PPIE: variants seen among roughly 807,000 people sequenced by gnomAD.
The protein encoded by PPIE is peptidyl-prolyl cis-trans isomerase E.
Under a neutral mutation model 38.4 loss-of-function variants are expected in PPIE, and 20 were observed. The ratio of observed to expected loss-of-function variants is 0.52; its 90% confidence interval spans 0.37 to 0.76. The LOEUF (loss-of-function observed/expected upper bound fraction) is 0.76. PPIE is among the 30% of genes least tolerant of loss of function. The probability of loss-of-function intolerance (pLI) is 0.00; values close to 1 mark genes in which losing one functional copy is unlikely to be tolerated. For missense variants in PPIE, 322 were observed against 385.8 expected (o/e 0.83, Z 1.39); for synonymous variants, 142 against 135.7 (o/e 1.05, Z -0.32).
At chr1:39,762,546 C>T (rs748436713) in intron 9 of PPIE, 15 of 1,550,182 alleles carry the variant, frequency 9.7e-6, no homozygotes, top group African/African-American at 2.7e-5. Context: ...CATCAAAAGC[C>T]AGGGGATCCA....
downstream of PPIE, chr1:39,760,693 CAAT>C (rs1275991575): frequency 1.1e-5 from 14 of 1,260,220 alleles, no homozygotes; most frequent in South Asian, 1.5e-5. Context: ...GGGAGCAGCA[CAAT>C]AATAATAACT....
downstream of PPIE, chr1:39,760,194 T>C (rs1002386849): frequency 9.4e-6 from 7 of 747,222 alleles, no homozygotes; most frequent in Admixed American, 2.1e-4. Flanking sequence ...CACTGCCTGA[T>C]GATTGAGACC....
Position 39,741,631 on chromosome 1 carries a change from G to A in PPIE, c.174+222G>A. Reference sequence around the variant, plus strand: ...GGCCCTCCCATTCTTGCCCTGCAGAGGAGCTAGCTCATGCACCCCTGTTCA... The same window carrying A: ...GGCCCTCCCATTCTTGCCCTGCAGAAGAGCTAGCTCATGCACCCCTGTTCA... On this transcript the variant is annotated intron_variant, in intron 3 of 9. Transcript: ENST00000324379. The A allele has an allele frequency of 4.8e-6, 3 of 627,336 alleles. No homozygotes were observed. The East Asian group carries it at 8.2e-5, about 17-fold the overall frequency. The allele number at this position is 627,336 out of a possible 1,614,324, so 38.9% of individuals were successfully genotyped here.
intron 9 of PPIE, chr1:39,762,510 C>CT: frequency 6.5e-7 from 1 of 1,549,052 alleles, no homozygotes; most frequent in Non-Finnish European, 8.7e-7. Flanking sequence ...TGCTTTTGTC[C>CT]TTTAAGGTTG....
intron 6 of PPIE, among the ~76,000 whole-genome samples, chr1:39,744,778 G>A (rs1263495370): frequency 6.6e-6 from 1 of 152,154 alleles, no homozygotes; most frequent in Non-Finnish European, 1.5e-5. Flanking sequence ...AACTCATAAA[G>A]TGGCCATCAC....
At chr1:39,749,695 C>G (rs1647508995) in intron 8 of PPIE, among the ~76,000 whole-genome samples, 3 of 152,224 alleles carry the variant, frequency 2.0e-5, no homozygotes, top group African/African-American at 7.2e-5. Context: ...AGGCCAGCCT[C>G]TCCACCTGTG....
intron 7 of PPIE, 39 bp from the exon 8 acceptor site, chr1:39,748,864 A>G (rs1266765128): frequency 5.1e-6 from 8 of 1,577,098 alleles, no homozygotes; most frequent in African/African-American, 1.4e-5. Context: ...ATTTTGTCCT[A>G]TTTTTTAACC....
chr1:39,759,681 C>A (rs1219779259), downstream of PPIE: 1 of 152,232 alleles, frequency 6.6e-6, no homozygotes, highest in African/African-American at 2.4e-5. Context: ...ATAGATGGGT[C>A]AATTGGAAGC....
chr1:39,746,499 C>T (rs1163804754), intron 7 of PPIE: 2 of 152,230 alleles, frequency 1.3e-5, no homozygotes, highest in Non-Finnish European at 2.9e-5. Context: ...CCTCACTATG[C>T]GTAGGATGTC....
intron 1 of PPIE, 166 bp from the exon 2 acceptor site, chr1:39,739,999 A>T (rs933354288): frequency 1.7e-6 from 1 of 576,482 alleles, no homozygotes; most frequent in Non-Finnish European, 3.1e-6. Context: ...GAAGAGAGGA[A>T]TATTTTTCAT....
chr1:39,755,129 C>T lies in PPIE; in HGVS notation c.*1774C>T, dbSNP rs1198912925. On this transcript the variant is annotated 3_prime_UTR_variant, in exon 10 of 10. Coordinates refer to ENST00000324379, the MANE Select transcript of PPIE (RefSeq NM_006112.4). ...ACTCCCCCTCCAGATGCTGGTCAGC[C>T]AGGCGGTTATAAAGAATCTCATCTG... is the stretch of plus-strand genomic sequence containing the variant. 1 of 985,430 alleles carries T rather than the reference C, an allele frequency of 1.0e-6. No individual in the cohort carries two copies. The highest frequency in any genetic ancestry group is 4.7e-5 in the South Asian group (1 of 21,290). The allele number at this position is 985,430 out of a possible 1,614,324, so 61.0% of individuals were successfully genotyped here. A position where few individuals can be genotyped will look rare whatever the true frequency, so the allele number is the denominator to read the frequency against.
chr1:39,758,645 G>A (rs1372310868), downstream of PPIE: 1 of 152,290 alleles, frequency 6.6e-6, no homozygotes, highest in African/African-American at 2.4e-5. Flanking sequence ...TTGGCTGAAG[G>A]TTGTTTGGAG....
chr1:39,752,777 C>T (rs1279282096), intron 8 of PPIE, 133 bp from the exon 9 acceptor site: 3 of 992,250 alleles, frequency 3.0e-6, no homozygotes, highest in East Asian at 2.5e-5. Context: ...GATAAGGTGG[C>T]CGCATTTGCA....
At chr1:39,744,154 A>G (rs145901039) in intron 6 of PPIE, among the ~76,000 whole-genome samples, 28 of 152,320 alleles carry the variant, frequency 1.8e-4, no homozygotes, top group African/African-American at 6.7e-4. Context: ...GTTGTGTTCT[A>G]TGTGATGAGT....
rs761553412 is a variant in PPIE, at chr1:39,740,979, C to G, written c.131-387C>G. ...GAAGATAAAGACTGAGCATCTTTAT[C>G]AGGTTTTAGGATTCATGCTTTATGC... is the stretch of plus-strand genomic sequence containing the variant. On this transcript the variant is annotated intron_variant, in intron 2 of 9. Coordinates refer to ENST00000324379, the MANE Select transcript of PPIE (RefSeq NM_006112.4). Among the ~76,000 whole-genome samples the G allele has an allele frequency of 3.3e-5, 5 of 152,154 alleles. No homozygotes were observed. The East Asian group carries it at 9.6e-4, about 29-fold the overall frequency.
At position 39,740,729 on chromosome 1, in the gene PPIE, T is replaced by C. The variant is rs72940738; in HGVS notation, c.130+466T>C. Among the ~76,000 whole-genome samples the C allele has an allele frequency of 8.5e-3, 1,300 of 152,274 alleles. 25 individuals carry two copies. Among genetic ancestry groups the C allele is most frequent in the African/African-American group, 0.029 (1,224 of 41,558 alleles). On this transcript the variant is annotated intron_variant, in intron 2 of 9. Coordinates refer to ENST00000324379, the MANE Select transcript of PPIE (RefSeq NM_006112.4). ...GATTGGTATCACAACCACAGTTCAGTTTTCTGTTTACCTTTGTTGTCATTT... is the reference window on the plus strand; with the variant it reads ...GATTGGTATCACAACCACAGTTCAGCTTTCTGTTTACCTTTGTTGTCATTT...
rs1224160152 is a variant in PPIE, at chr1:39,756,517, C to T, written c.*3162C>T. ...AGCATGACAGCCGCCTCCAGGTGCT[C>T]CCAGCATCTGTTGCAGTCATGGCAG... On this transcript the variant is annotated 3_prime_UTR_variant, in exon 10 of 10. Transcript: ENST00000324379. 1 of 985,348 alleles carries T rather than the reference C, an allele frequency of 1.0e-6. No individual in the cohort carries two copies. The highest frequency in any genetic ancestry group is 1.2e-6 in the Non-Finnish European group (1 of 829,928). 61.0% of individuals were successfully genotyped at this position (985,348 alleles called of 1,614,324 possible). A position where few individuals can be genotyped will look rare whatever the true frequency, so the allele number is the denominator to read the frequency against.
intron 2 of PPIE, 72 bp from the exon 3 acceptor site, chr1:39,741,294 A>G: frequency 2.1e-6 from 3 of 1,403,814 alleles, no homozygotes; most frequent in Non-Finnish European, 3.0e-6. Flanking sequence ...AACTGACTTC[A>G]CTTTGTGACC....
rs1557459184 is a variant in PPIE at position 39,754,143 on chromosome 1, C to G, written c.*788C>G. 5.5e-6 allele frequency: 5 copies of G among 902,692 alleles called. No homozygotes were observed. Among genetic ancestry groups the G allele is most frequent in the Non-Finnish European group, 5.3e-6 (4 of 754,670 alleles). 55.9% of individuals were successfully genotyped at this position (902,692 alleles called of 1,614,324 possible). ...CAGCCCACTGCCTGTTTTTATGAAT[C>G]AGGTTTTATTGGAACACAGCCACGT... On this transcript the variant is annotated 3_prime_UTR_variant, in exon 10 of 10. Transcript: ENST00000324379.
Sources: allele counts gnomAD v4.1 joint callset (sites outside exome capture counted in the v4.1 genomes callset), GRCh38; gene constraint gnomAD v4.1.1; transcripts MANE v1.5; gene names NCBI Gene and HGNC (gene_info 2026-07-23, HGNC 2026-07-21).